DMD: variants seen among roughly 807,000 people sequenced by gnomAD.
DMD encodes dystrophin.
DMD carries 63 observed loss-of-function variants against 330.1 expected under a neutral mutation model. That is an observed-to-expected ratio of 0.19 (90% confidence interval 0.16 to 0.24). The LOEUF (loss-of-function observed/expected upper bound fraction) is 0.24. Among genes scored for constraint, DMD ranks in the 10% least tolerant of loss-of-function variants. DMD has a pLI of 1.00. For synonymous variants in DMD, 1,223 were observed against 959.8 expected (o/e 1.27, Z -5.07); for missense variants, 3,344 against 2,684.1 (o/e 1.25, Z -5.43).
At position 32,809,618 on chromosome X, in the gene DMD, C is replaced by A; in HGVS notation, c.531-7G>T. The stretch of plus-strand genomic sequence containing the variant: ...CCAGTCAAATAGGTCTGGCCTAAAA[C>A]ACATACACATACACACATACACAAA... On this transcript the variant is annotated splice_region_variant and splice_polypyrimidine_tract_variant and intron_variant, in intron 6 of 78. Coordinates refer to ENST00000357033, the MANE Select transcript of DMD (RefSeq NM_004006.3). The A allele has an allele frequency of 8.8e-7, 1 of 1,135,600 alleles. No homozygotes were observed. The highest frequency in any genetic ancestry group is 1.2e-6 in the Non-Finnish European group (1 of 826,968). 93.6% of individuals were successfully genotyped at this position (1,135,600 alleles called of 1,213,427 possible). A position where few individuals can be genotyped will look rare whatever the true frequency, so the allele number is the denominator to read the frequency against.
chrX:31,885,270 C>T (rs1460204308), intron 47 of DMD, among the ~76,000 whole-genome samples: 1 of 111,197 alleles, frequency 9.0e-6, no homozygotes, highest in Admixed American at 9.6e-5. Context: ...CTACTCTTTC[C>T]TTCCCTCTTC....
At chrX:32,766,749 G>A (rs7055482) in intron 7 of DMD, among the ~76,000 whole-genome samples, 10,652 of 110,957 alleles carry the variant, frequency 0.096, 1,242 homozygotes, top group African/African-American at 0.33. Flanking sequence ...TCATTTCGAA[G>A]CTGCTAAGAG....
At chrX:33,106,494 T>C (rs1240920826) in intron 1 of DMD, among the ~76,000 whole-genome samples, 1 of 112,405 alleles carries the variant, frequency 8.9e-6, no homozygotes, top group Non-Finnish European at 1.9e-5. Context: ...TATATTCTTA[T>C]TGCTCAGCAA....
At chrX:32,076,870 C>T (rs1304210042) in intron 44 of DMD, among the ~76,000 whole-genome samples, 1 of 111,028 alleles carries the variant, frequency 9.0e-6, no homozygotes, top group Non-Finnish European at 1.9e-5. Flanking sequence ...AAACTGCACT[C>T]TAAGACTGAT....
intron 9 of DMD, among the ~76,000 whole-genome samples, chrX:32,666,314 C>A (rs914659440): frequency 3.6e-5 from 4 of 110,547 alleles, no homozygotes; most frequent in Non-Finnish European, 7.6e-5. Flanking sequence ...AGGTTTTAAG[C>A]CCTGCATGCA....
At chrX:31,619,018 C>G (rs1007486694) in intron 55 of DMD, among the ~76,000 whole-genome samples, 1 of 111,166 alleles carries the variant, frequency 9.0e-6, no homozygotes, top group Admixed American at 9.6e-5. Context: ...ACTAAATATA[C>G]GATGGTATTA....
chrX:33,206,065 C>T (rs768816106), intron 1 of DMD, among the ~76,000 whole-genome samples: 3 of 111,473 alleles, frequency 2.7e-5, no homozygotes, highest in Non-Finnish European at 5.7e-5. Context: ...TAATGTACCT[C>T]CTCTTCGTTG....
At chrX:31,242,050 A>G (rs991483254) in intron 63 of DMD, among the ~76,000 whole-genome samples, 4 of 109,324 alleles carry the variant, frequency 3.7e-5, no homozygotes, top group Admixed American at 2.0e-4. Flanking sequence ...TGAGCTCAAG[A>G]GTTGAGAACA....
At chrX:32,841,780 G>C (rs1216784483) in intron 4 of DMD, among the ~76,000 whole-genome samples, 1 of 111,632 alleles carries the variant, frequency 9.0e-6, no homozygotes. Context: ...TAATGGCTTT[G>C]GGTAGGCCAG....
intron 47 of DMD, among the ~76,000 whole-genome samples, chrX:31,877,121 A>G (rs1051281287): frequency 1.1e-4 from 12 of 112,181 alleles, no homozygotes; most frequent in African/African-American, 3.6e-4. Flanking sequence ...GAAAAAAATC[A>G]ATTAATGTAC....
intron 6 of DMD, among the ~76,000 whole-genome samples, chrX:32,815,346 C>G (rs769810950): frequency 9.4e-6 from 1 of 106,281 alleles, no homozygotes; most frequent in African/African-American, 3.4e-5. Flanking sequence ...ATAACTTGCA[C>G]TGAAAATTAG....
At chrX:32,934,837 T>C (rs2089869793) in intron 2 of DMD, among the ~76,000 whole-genome samples, 1 of 112,511 alleles carries the variant, frequency 8.9e-6, no homozygotes, top group Non-Finnish European at 1.9e-5. Context: ...ATCATTGCCT[T>C]TGATTTCTTT....
At chrX:32,501,429 G>A (rs1316689944) in intron 19 of DMD, among the ~76,000 whole-genome samples, 1 of 111,404 alleles carries the variant, frequency 9.0e-6, no homozygotes, top group African/African-American at 3.2e-5. Flanking sequence ...CATATAACAT[G>A]ACTGTTAATG....
chrX:32,157,827 T>A (rs759188338), intron 44 of DMD, among the ~76,000 whole-genome samples: 27 of 111,924 alleles, frequency 2.4e-4, no homozygotes, highest in African/African-American at 8.4e-4. Context: ...TACCAGACAT[T>A]CCTTGGCAGA....
chrX:31,749,749 C>T (rs1442413440), intron 51 of DMD, among the ~76,000 whole-genome samples: 1 of 106,534 alleles, frequency 9.4e-6, no homozygotes, highest in African/African-American at 3.4e-5. Flanking sequence ...AACTAGTTTA[C>T]AGTCCCACCA....
chrX:33,313,274 C>G (rs186571901), intron 1 of DMD, among the ~76,000 whole-genome samples: 1 of 112,010 alleles, frequency 8.9e-6, no homozygotes, highest in East Asian at 2.8e-4. Context: ...TTATAAAGCA[C>G]TATACTGTTT....
chrX:32,937,294 G>A (rs770981422), intron 2 of DMD, among the ~76,000 whole-genome samples: 3 of 109,739 alleles, frequency 2.7e-5, no homozygotes, highest in Non-Finnish European at 5.7e-5. Flanking sequence ...GGGGCCACAT[G>A]AAAATAAATA....
At chrX:32,554,009 G>C in intron 16 of DMD, among the ~76,000 whole-genome samples, 1 of 112,488 alleles carries the variant, frequency 8.9e-6, no homozygotes, top group African/African-American at 3.2e-5. Context: ...GGATTCAATG[G>C]ATAGAGCTCT....
intron 59 of DMD, among the ~76,000 whole-genome samples, chrX:31,465,823 C>T (rs2066818111): frequency 8.9e-6 from 1 of 112,110 alleles, no homozygotes. Context: ...CTCCCACCAA[C>T]AGTGTAAAAG....
Sources: allele counts gnomAD v4.1 joint callset (sites outside exome capture counted in the v4.1 genomes callset), GRCh38; gene constraint gnomAD v4.1.1; transcripts MANE v1.5; gene names NCBI Gene and HGNC (gene_info 2026-07-23, HGNC 2026-07-21).